The following EYS variants were observed in gnomAD, a reference collection of about 807,000 sequenced individuals.
The protein encoded by EYS is EGF-like photoreceptor maintenance factor, also known as protein eyes shut homolog.
EYS carries 250 observed loss-of-function variants against 282.1 expected under a neutral mutation model. That is an observed-to-expected ratio of 0.89 (90% CI 0.80 to 0.98). The LOEUF (loss-of-function observed/expected upper bound fraction) is 0.98. Among genes scored for constraint, EYS ranks in the 50% least tolerant of loss-of-function variants. The pLI, the probability that EYS is intolerant of heterozygous loss-of-function variation, is 0.00. For synonymous variants in EYS, 1,355 were observed against 1,282.9 expected, an observed-to-expected ratio of 1.06 and a Z score of -1.20; for missense variants, 4,016 against 3,709.0, an observed-to-expected ratio of 1.08 and a Z score of -2.15.
chr6:64,026,375 A>T (rs1051428339), intron 33 of EYS, among the ~76,000 whole-genome samples: 4 of 152,168 alleles, frequency 2.6e-5, no homozygotes, highest in Non-Finnish European at 5.9e-5. Flanking sequence ...ACACTCAGGC[A>T]TCAACAGGAT....
rs1473896309 is a variant in EYS at position 64,676,204 on chromosome 6, C to G, written c.3444-49959G>C. On this transcript the variant is annotated intron_variant, in intron 22 of 42. Coordinates refer to ENST00000503581, the MANE Select transcript of EYS (RefSeq NM_001142800.2). The stretch of plus-strand genomic sequence containing the variant: ...AGTAGTTAAGTAACTTTCTAAGAGA[C>G]CATAGTGCAGGTAAGGTACTTACAG... Among the ~76,000 whole-genome samples the G allele has an allele frequency of 2.0e-4, 29 of 147,684 alleles. No individual in the cohort carries two copies. In the Admixed American group the frequency reaches 2.0e-3, roughly 10 times the overall value.
intron 28 of EYS, among the ~76,000 whole-genome samples, chr6:64,418,668 G>C (rs1172271128): frequency 6.6e-6 from 1 of 152,130 alleles, no homozygotes; most frequent in African/African-American, 2.4e-5. Flanking sequence ...TGTAAATTAA[G>C]TTGAGATGTA....
chr6:64,098,116 G>A (rs1016541459), intron 31 of EYS, among the ~76,000 whole-genome samples: 3 of 152,152 alleles, frequency 2.0e-5, no homozygotes, highest in African/African-American at 7.2e-5. Context: ...CTATTTGGCA[G>A]TATCCAGTAA....
chr6:64,048,197 C>A (rs566426804), intron 33 of EYS, among the ~76,000 whole-genome samples: 8 of 152,144 alleles, frequency 5.3e-5, no homozygotes, highest in African/African-American at 9.7e-5. Context: ...TAAGCCACTG[C>A]GCACGGCCTT....
At chr6:65,511,923 T>C (rs1766883337) in intron 2 of EYS, among the ~76,000 whole-genome samples, 1 of 144,580 alleles carries the variant, frequency 6.9e-6, no homozygotes, top group Admixed American at 7.3e-5. Flanking sequence ...AGGCGGAGAT[T>C]GCAGTGAGCC....
chr6:65,347,560 A>T (rs1191692532), intron 9 of EYS, among the ~76,000 whole-genome samples: 1 of 146,926 alleles, frequency 6.8e-6, no homozygotes, highest in African/African-American at 2.5e-5. Flanking sequence ...TTCCCCATCC[A>T]TTTTTTTTTT....
intron 5 of EYS, among the ~76,000 whole-genome samples, chr6:65,486,952 C>A (rs1765803640): frequency 2.0e-5 from 3 of 152,128 alleles, no homozygotes; most frequent in Non-Finnish European, 4.4e-5. Context: ...AATGGGAGTT[C>A]ACTCATGATT....
intron 13 of EYS, among the ~76,000 whole-genome samples, chr6:65,026,705 C>G (rs904315206): frequency 2.0e-5 from 3 of 152,088 alleles, no homozygotes; most frequent in African/African-American, 4.8e-5. Flanking sequence ...ATCACAAGGT[C>G]AGGAGATCGA....
At chr6:64,249,371 G>C (rs7451037) in intron 30 of EYS, among the ~76,000 whole-genome samples, 1 of 151,900 alleles carries the variant, frequency 6.6e-6, no homozygotes, top group African/African-American at 2.4e-5. Flanking sequence ...AGACAATGGA[G>C]TCTTGGAAGA....
intron 28 of EYS, among the ~76,000 whole-genome samples, chr6:64,401,854 C>T (rs1218329845): frequency 6.6e-6 from 1 of 151,968 alleles, no homozygotes; most frequent in Non-Finnish European, 1.5e-5. Flanking sequence ...AATGAATTTC[C>T]TCACTTAAAA....
At chr6:63,912,897 G>A (rs145137747) in intron 35 of EYS, among the ~76,000 whole-genome samples, 1,927 of 151,850 alleles carry the variant, frequency 0.013, 38 homozygotes, top group African/African-American at 0.045. Context: ...TCAGAACTGT[G>A]AGCCAATTAG....
intron 29 of EYS, among the ~76,000 whole-genome samples, chr6:64,384,893 T>C (rs1772860694): frequency 6.6e-6 from 1 of 152,162 alleles, no homozygotes; most frequent in Non-Finnish European, 1.5e-5. Flanking sequence ...ACATACACAT[T>C]GGATTAGGGA....
intron 22 of EYS, among the ~76,000 whole-genome samples, chr6:64,690,719 TCG>T (rs1398827968): frequency 6.6e-6 from 1 of 152,022 alleles, no homozygotes; most frequent in African/African-American, 2.4e-5. Flanking sequence ...CTGAGCATAC[TCG>T]CGCAAGGACA....
At chr6:65,309,730 C>A (rs908472445) in intron 11 of EYS, among the ~76,000 whole-genome samples, 8 of 152,128 alleles carry the variant, frequency 5.3e-5, no homozygotes, top group African/African-American at 1.9e-4. Context: ...TTAATAGCAA[C>A]CAAGCTTCCC....
chr6:63,921,563 G>A (rs1229723443), intron 35 of EYS, among the ~76,000 whole-genome samples: 1 of 152,214 alleles, frequency 6.6e-6, no homozygotes, highest in Admixed American at 6.5e-5. Flanking sequence ...ACGCATCTGT[G>A]ACTCGATCTT....
At chr6:64,321,200 A>G (rs1360979483) in intron 29 of EYS, among the ~76,000 whole-genome samples, 3 of 151,746 alleles carry the variant, frequency 2.0e-5, no homozygotes, top group African/African-American at 7.2e-5. Flanking sequence ...TTCAAATACT[A>G]TGAACACTTA....
At chr6:65,108,034 A>C (rs545758437) in intron 12 of EYS, among the ~76,000 whole-genome samples, 1 of 152,262 alleles carries the variant, frequency 6.6e-6, no homozygotes, top group East Asian at 1.9e-4. Flanking sequence ...AAATTGAGAT[A>C]AAATAAGAAC....
rs187126185 is a variant in EYS, at chr6:63,839,998, A to G, written c.7228+24188T>C. 1.5e-4 allele frequency among the ~76,000 whole-genome samples: 22 copies of G among 146,034 alleles called. No homozygotes were observed. The East Asian group carries it at 4.2e-3, about 28-fold the overall frequency. ...ATTTTTTTTAATATACCAGTTGGGC[A>G]TTTGTATATCTTCTTTTGAGAGATG... On this transcript the variant is annotated intron_variant, in intron 36 of 42. Coordinates refer to ENST00000503581, the MANE Select transcript of EYS (RefSeq NM_001142800.2).
intron 28 of EYS, among the ~76,000 whole-genome samples, chr6:64,434,174 C>G (rs1774662397): frequency 6.6e-6 from 1 of 151,928 alleles, no homozygotes; most frequent in South Asian, 2.1e-4. Flanking sequence ...TATGAAGACA[C>G]AGAGAGAATA....
Sources: allele counts gnomAD v4.1 joint callset (sites outside exome capture counted in the v4.1 genomes callset), GRCh38; gene constraint gnomAD v4.1.1; transcripts MANE v1.5; gene names NCBI Gene and HGNC (gene_info 2026-07-23, HGNC 2026-07-21).